ANXA7: variants seen among roughly 807,000 people sequenced by gnomAD.
ANXA7 encodes annexin VII.
A neutral mutation model predicts 64.9 loss-of-function variants in ANXA7; 55 were observed. That is an observed-to-expected ratio of 0.85 (90% CI 0.68 to 1.06). The LOEUF (loss-of-function observed/expected upper bound fraction) is 1.06, where lower values mean the gene tolerates loss of function less well. Among genes scored for constraint, ANXA7 ranks in the 50% least tolerant of loss-of-function variants. The probability of loss-of-function intolerance (pLI) is 0.00; values close to 1 mark genes in which losing one functional copy is unlikely to be tolerated. For synonymous variants in ANXA7, 200 were observed against 192.4 expected, an observed-to-expected ratio of 1.04 and a Z score of -0.33; for missense variants, 548 against 582.1, an observed-to-expected ratio of 0.94 and a Z score of 0.60.
chr10:73,383,742 C>G (rs770620158), intron 7 of ANXA7, 52 bp from the exon 8 acceptor site: 1 of 1,188,358 alleles, frequency 8.4e-7, no homozygotes, highest in Non-Finnish European at 1.2e-6. Flanking sequence ...AATTTTGTCA[C>G]TTAAATCTTT....
intron 5 of ANXA7, among the ~76,000 whole-genome samples, chr10:73,393,192 G>A (rs370986994): frequency 8.5e-5 from 13 of 152,210 alleles, no homozygotes; most frequent in African/African-American, 2.4e-4. Context: ...ACTGCTCAAC[G>A]AAATAAAAAA....
At position 73,390,725 on chromosome 10, in the gene ANXA7, T is replaced by TATAA. The variant is rs1554816964; in HGVS notation, c.436-2312_436-2311insTTAT. Among the ~76,000 whole-genome samples, 92 of 124,644 alleles carry TATAA rather than the reference T, an allele frequency of 7.4e-4. 3 individuals carry two copies. The Middle Eastern group carries it at 0.016, about 22-fold the overall frequency. 81.8% of individuals were successfully genotyped at this position (124,644 alleles called of 152,430 possible). ...ATATATATATATATATATATAAAAA[T>TATAA]ATATATATACACACACACACATATA... On this transcript the variant is annotated intron_variant, in intron 5 of 12. Coordinates refer to ENST00000372921, the MANE Select transcript of ANXA7 (RefSeq NM_001156.5).
Position 73,398,247 on chromosome 10 carries a change from C to T in ANXA7, c.193G>A (p.Gly65Ser), listed in dbSNP as rs538552500. The change falls in exon 3 of 13, where the codon GGT (glycine) becomes AGT (serine). Residue 65 changes from glycine (G) to serine (S), a missense_variant. Transcript: ENST00000372921. ...PGAGGYPAPG[G>S]YPAPGGYPGA... ...GGATAGCCTCCAGGGGCTGGATAAC[C>T]TCCAGGCGCAGGGTAGCCTCCAGCT... 6 of 1,613,974 alleles carry T rather than the reference C, an allele frequency of 3.7e-6. No homozygotes were observed. Among genetic ancestry groups the T allele is most frequent in the East Asian group, 2.2e-5 (1 of 44,886 alleles).
rs755000366 is a variant in ANXA7 at position 73,383,388 on chromosome 10, T to C, written c.748-43A>G. 3 of 1,543,764 alleles carry C rather than the reference T, an allele frequency of 1.9e-6. No homozygotes were observed. The South Asian group carries it at 3.6e-5, about 18-fold the overall frequency. On this transcript the variant is annotated intron_variant, in intron 8 of 12. Coordinates refer to ENST00000372921, the MANE Select transcript of ANXA7 (RefSeq NM_001156.5). ...AAGATTATACAAAGAAAAATGAAAT[T>C]TCTGCAAGTAATTAAATCTTCGTCA...
At chr10:73,391,220 A>G (rs1462759353) in intron 5 of ANXA7, among the ~76,000 whole-genome samples, 2 of 151,842 alleles carry the variant, frequency 1.3e-5, no homozygotes, top group Non-Finnish European at 2.9e-5. Flanking sequence ...CTTGAGGTTA[A>G]ATTCTAGGGG....
intron 1 of ANXA7, among the ~76,000 whole-genome samples, chr10:73,409,214 G>A (rs527281323): frequency 4.6e-5 from 7 of 152,148 alleles, no homozygotes; most frequent in Non-Finnish European, 8.8e-5. Flanking sequence ...TTGGAAAAGA[G>A]GAAGTCAAAC....
chr10:73,382,422 A>C (rs911980490), intron 9 of ANXA7, among the ~76,000 whole-genome samples: 2 of 152,076 alleles, frequency 1.3e-5, no homozygotes. Context: ...AGTTCACTGC[A>C]GCCTCAATCT....
At chr10:73,405,441 C>T (rs1020574255) in intron 1 of ANXA7, among the ~76,000 whole-genome samples, 2 of 147,256 alleles carry the variant, frequency 1.4e-5, no homozygotes, top group Non-Finnish European at 3.0e-5. Context: ...ACTCAGGAGG[C>T]TGAGGCAGAA....
chr10:73,409,771 A>ACACATTACAGACTTCAAAT (rs2055811455), intron 1 of ANXA7, among the ~76,000 whole-genome samples: 1 of 152,330 alleles, frequency 6.6e-6, no homozygotes, highest in South Asian at 2.1e-4. Context: ...AATACACTAC[A>ACACATTACAGACTTCAAAT]AGCCTATAGC....
At chr10:73,377,020 G>A (rs1335404736) in intron 12 of ANXA7, among the ~76,000 whole-genome samples, 1 of 152,162 alleles carries the variant, frequency 6.6e-6, no homozygotes, top group African/African-American at 2.4e-5. Flanking sequence ...AAGGAGAATG[G>A]GGAGTTACTG....
chr10:73,405,533 C>T (rs1218889141), intron 1 of ANXA7, among the ~76,000 whole-genome samples: 1 of 152,118 alleles, frequency 6.6e-6, no homozygotes, highest in Non-Finnish European at 1.5e-5. Flanking sequence ...GGCAAAACTC[C>T]ATTTCAACAA....
chr10:73,378,377 C>CAAAA (rs755093944), intron 12 of ANXA7, among the ~76,000 whole-genome samples: 45 of 63,130 alleles, frequency 7.1e-4, no homozygotes, highest in South Asian at 5.2e-3. Flanking sequence ...GACCATGTCT[C>CAAAA]AAAAAAAAAA....
At chr10:73,391,114 C>T (rs1190564799) in intron 5 of ANXA7, among the ~76,000 whole-genome samples, 5 of 148,482 alleles carry the variant, frequency 3.4e-5, no homozygotes, top group South Asian at 4.3e-4. Context: ...GTTGCAGTGA[C>T]CCCAGATCGC....
chr10:73,383,590 C>T lies in ANXA7; in HGVS notation c.734G>A (p.Arg245Gln), dbSNP rs772264554. 19 of 1,611,502 alleles carry T rather than the reference C, an allele frequency of 1.2e-5. No individual in the cohort carries two copies. Among genetic ancestry groups the T allele is most frequent in the Non-Finnish European group, 1.3e-5 (15 of 1,177,860 alleles). Residue 245 changes from arginine (R) to glutamine (Q), a missense_variant, in exon 8 of 13, where the codon CGG becomes CAG. Physicochemically the swap from Arg to Gln is conservative, Grantham distance 43. Coordinates refer to ENST00000372921, the MANE Select transcript of ANXA7 (RefSeq NM_001156.5). ...PPTYYDAWSL[R>Q]KAMQGAGTQE... ...ATATAGTAGTACCTGCATTGCTTTC[C>T]GTAAGCTCCAGGCATCGTAATACGT... is the stretch of plus-strand genomic sequence containing the variant.
chr10:73,379,117 A>G, intron 11 of ANXA7, 94 bp from the exon 12 acceptor site: 1 of 802,938 alleles, frequency 1.2e-6, no homozygotes. Context: ...GCCTTTGATT[A>G]TTTTCTCTGT....
chr10:73,400,718 T>G (rs1332542391), intron 2 of ANXA7, 85 bp downstream of exon 2: 1 of 1,116,318 alleles, frequency 9.0e-7, no homozygotes, highest in African/African-American at 1.6e-5. Context: ...TGACCCCTGC[T>G]CAAGCATATC....
At chr10:73,388,501 T>TA in intron 5 of ANXA7, 87 bp from the exon 6 acceptor site, 1 of 1,007,718 alleles carries the variant, frequency 9.9e-7, no homozygotes, top group East Asian at 2.5e-5. Flanking sequence ...ACATCAATCT[T>TA]AAGTAAGAAG....
intron 1 of ANXA7, among the ~76,000 whole-genome samples, chr10:73,407,616 T>C (rs575316906): frequency 3.5e-4 from 54 of 152,368 alleles, no homozygotes; most frequent in African/African-American, 1.3e-3. Flanking sequence ...CTGTAAATGA[T>C]TCATATTTCT....
At chr10:73,384,970 T>TAA (rs763424920) in intron 7 of ANXA7, among the ~76,000 whole-genome samples, 1 of 146,046 alleles carries the variant, frequency 6.8e-6, no homozygotes, top group Non-Finnish European at 1.5e-5. Flanking sequence ...TGTGGAGCTT[T>TAA]AAAAAAAAAA....
Sources: gnomAD v4.1 joint callset for allele counts (sites outside exome capture counted in the v4.1 genomes callset) on GRCh38, gnomAD v4.1.1 for gene constraint, MANE v1.5 for transcripts, NCBI Gene and HGNC (gene_info 2026-07-23, HGNC 2026-07-21) for gene names.